Variants in USP38 observed in about 807,000 individuals in gnomAD.
USP38 encodes ubiquitin carboxyl-terminal hydrolase 38.
Under a neutral mutation model 94.3 loss-of-function variants are expected in USP38, and 49 were observed. The ratio of observed to expected loss-of-function variants is 0.52; its 90% CI spans 0.41 to 0.66. USP38 has a LOEUF of 0.66. Among genes scored for constraint, USP38 ranks in the 30% least tolerant of loss-of-function variants. USP38 has a pLI of 0.00. For synonymous variants in USP38, 468 were observed against 463.6 expected, an observed-to-expected ratio of 1.01 and a Z score of -0.12; for missense variants, 1,128 against 1,229.4, an observed-to-expected ratio of 0.92 and a Z score of 1.23.
At chr4:143,191,476 C>T (rs1342480635) in intron 2 of USP38, among the ~76,000 whole-genome samples, 1 of 152,122 alleles carries the variant, frequency 6.6e-6, no homozygotes, top group African/African-American at 2.4e-5. Flanking sequence ...AACATTGGAA[C>T]AAATAAAAGG....
intron 2 of USP38, among the ~76,000 whole-genome samples, chr4:143,193,790 G>C (rs1011191627): frequency 6.6e-6 from 1 of 152,232 alleles, no homozygotes; most frequent in African/African-American, 2.4e-5. Context: ...TATAAATGAA[G>C]ATGTCAGTCC....
In USP38 at chr4:143,222,562, C is replaced by G. The variant is rs1196788494; in HGVS notation, c.*2106C>G. The G allele has an allele frequency of 2.0e-5, 3 of 151,942 alleles. No homozygotes were observed. Among genetic ancestry groups the G allele is most frequent in the African/African-American group, 7.2e-5 (3 of 41,414 alleles). 9.4% of individuals were successfully genotyped at this position (151,942 alleles called of 1,614,324 possible). Reference sequence around the variant, plus strand: ...ATTTTCTATCCAAAGTTGTTTGAATCTAAGGATACAGAGCCTGAGGATATG... The same window carrying G: ...ATTTTCTATCCAAAGTTGTTTGAATGTAAGGATACAGAGCCTGAGGATATG... On this transcript the variant is annotated 3_prime_UTR_variant, in exon 10 of 10. Transcript: ENST00000307017.
At chr4:143,219,940 A>G (rs146690422) in intron 9 of USP38, among the ~76,000 whole-genome samples, 298 of 152,234 alleles carry the variant, frequency 2.0e-3, no homozygotes, top group African/African-American at 6.8e-3. Context: ...GAAATAGTCT[A>G]TGGAAAGGCC....
intron 2 of USP38, among the ~76,000 whole-genome samples, chr4:143,190,605 C>G (rs1643880222): frequency 6.6e-6 from 1 of 152,086 alleles, no homozygotes; most frequent in African/African-American, 2.4e-5. Context: ...GGTCACAAAC[C>G]TATAAGCAAT....
At chr4:143,195,651 C>T in intron 2 of USP38, 65 bp from the exon 3 acceptor site, 1 of 1,490,950 alleles carries the variant, frequency 6.7e-7, no homozygotes, top group South Asian at 1.3e-5. Context: ...TACTGTAACT[C>T]TTGTTATCAC....
chr4:143,203,277 AGAAAAACTCT>A (rs1452728738), intron 4 of USP38, 121 bp from the exon 5 acceptor site: 2 of 925,934 alleles, frequency 2.2e-6, no homozygotes, highest in East Asian at 5.2e-5. Context: ...CTTAATAACA[AGAAAAACTCT>A]GTGACTGCAC....
Position 143,213,897 on chromosome 4 carries a change from C to T in USP38, c.1921C>T (p.Gln641Ter). Residue 641 changes from glutamine to a stop codon, truncating the protein, a stop_gained, in exon 9 of 10, where the codon CAA (glutamine) becomes TAA (stop). Coordinates refer to ENST00000307017, the MANE Select transcript of USP38 (RefSeq NM_032557.6). LOFTEE classifies it high-confidence loss of function. ...VQDPASSPSI[Q>*]DGGLMQASVP... Reference sequence around the variant, plus strand: ...AGATCCAGCATCATCACCCAGTATACAAGATGGTGGTCTAATGCAAGCCTC... The same window carrying T: ...AGATCCAGCATCATCACCCAGTATATAAGATGGTGGTCTAATGCAAGCCTC... 1 of 1,613,850 alleles carries T rather than the reference C, an allele frequency of 6.2e-7. No homozygotes were observed. The highest frequency in any genetic ancestry group is 1.1e-5 in the South Asian group (1 of 91,084).
At chr4:143,198,347 A>G (rs1433481570) in intron 4 of USP38, among the ~76,000 whole-genome samples, 1 of 152,224 alleles carries the variant, frequency 6.6e-6, no homozygotes, top group East Asian at 1.9e-4. Context: ...AAATACATCT[A>G]GAATCCTACC....
chr4:143,196,167 A>C (rs935808002), intron 3 of USP38, among the ~76,000 whole-genome samples: 1 of 152,096 alleles, frequency 6.6e-6, no homozygotes, highest in Non-Finnish European at 1.5e-5. Flanking sequence ...TTAGGTTGGC[A>C]TAATGGTTCA....
Position 143,220,448 on chromosome 4 carries a change from G to C in USP38, c.3121G>C (p.Val1041Leu). ...GGGFNTVGRL[V>L]F ...AGGATTTAATACAGTTGGCAGACTC[G>C]TATTTTGATCCTGAGAGAGTCCAAA... The change falls in exon 10 of 10, where the codon GTA becomes CTA. Residue 1041 changes from valine to leucine, a missense_variant. Transcript: ENST00000307017. The C allele has an allele frequency of 1.2e-6, 2 of 1,611,156 alleles. No individual in the cohort carries two copies. Among genetic ancestry groups the C allele is most frequent in the Non-Finnish European group, 1.7e-6 (2 of 1,178,648 alleles).
chr4:143,213,834 T>C lies in USP38; in HGVS notation c.1858T>C (p.Phe620Leu). ...AGCCTTTACAGATCTTTCGCTTGCC[T>C]TTTGTCCTTCCTCTTCTTTGGAAAA... ...VEAFTDLSLA[F>L]CPSSSLENMS... The change falls in exon 9 of 10, where the codon TTT (phenylalanine) becomes CTT (leucine). Residue 620 changes from phenylalanine to leucine, a missense_variant. By Grantham distance (22) the Phe-to-Leu change is conservative. Transcript: ENST00000307017. The C allele has an allele frequency of 6.2e-7, 1 of 1,613,846 alleles. No individual in the cohort carries two copies. Among genetic ancestry groups the C allele is most frequent in the South Asian group, 1.1e-5 (1 of 91,072 alleles).
chr4:143,209,798 C>A (rs1368196981), intron 7 of USP38, 141 bp downstream of exon 7: 6 of 526,464 alleles, frequency 1.1e-5, no homozygotes, highest in South Asian at 8.3e-5. Flanking sequence ...CTTAGAAATG[C>A]TAAAGAGATC....
At chr4:143,210,517 G>A (rs1056896430) in intron 7 of USP38, among the ~76,000 whole-genome samples, 2 of 151,860 alleles carry the variant, frequency 1.3e-5, no homozygotes, top group African/African-American at 4.8e-5. Flanking sequence ...AACCCAGGAG[G>A]TGGAGCTTGC....
chr4:143,215,069 A>C lies in USP38; in HGVS notation c.2967+126A>C, dbSNP rs1275988951. On this transcript the variant is annotated intron_variant, in intron 9 of 9. Transcript: ENST00000307017. ...TTCTGAAATATAGGTCTGGATTTACATGAAGTATTCTCAACCTGTATAACT... is the reference window on the plus strand; with the variant it reads ...TTCTGAAATATAGGTCTGGATTTACCTGAAGTATTCTCAACCTGTATAACT... 3.0e-5 allele frequency: 29 copies of C among 959,232 alleles called. No individual in the cohort carries two copies. The Admixed American group carries it at 8.1e-4, about 27-fold the overall frequency. 59.4% of individuals were successfully genotyped at this position (959,232 alleles called of 1,614,324 possible).
chr4:143,213,063 C>A (rs548953457), intron 8 of USP38, among the ~76,000 whole-genome samples: 1 of 152,100 alleles, frequency 6.6e-6, no homozygotes, highest in African/African-American at 2.4e-5. Context: ...AATTTAAGAA[C>A]CACTCCTTTA....
intron 7 of USP38, among the ~76,000 whole-genome samples, chr4:143,211,101 T>C (rs1044114106): frequency 6.6e-6 from 1 of 151,948 alleles, no homozygotes; most frequent in Non-Finnish European, 1.5e-5. Flanking sequence ...TGTAGGCAGA[T>C]ATATACTTTA....
chr4:143,219,512 C>T (rs11724872), intron 9 of USP38, among the ~76,000 whole-genome samples: 90,591 of 151,820 alleles, frequency 0.6, 27,191 homozygotes, highest in East Asian at 0.82. Context: ...CTCTTCAGGA[C>T]GATTATGCTA....
chr4:143,197,417 A>G (rs1731584895), intron 3 of USP38, among the ~76,000 whole-genome samples: 1 of 152,190 alleles, frequency 6.6e-6, no homozygotes. Context: ...TGCCCTCTAG[A>G]TGGTAAACCC....
chr4:143,214,269 C>G lies in USP38; in HGVS notation c.2293C>G (p.Leu765Val), dbSNP rs373911808. The change falls in exon 9 of 10, where the codon CTC (leucine) becomes GTC (valine). Residue 765 changes from leucine (L) to valine (V), a missense_variant. Physicochemically the swap from Leu to Val is conservative, Grantham distance 32. Coordinates refer to ENST00000307017, the MANE Select transcript of USP38 (RefSeq NM_032557.6). ...GGAACCTGAATACCTTATTCTTACT[C>G]TCCTGAGATTTTCATATGATCAGAA... ...TEEPEYLILTLLRFSYDQKYH... is the reference protein window; with the variant it reads ...TEEPEYLILTVLRFSYDQKYH... 11 of 1,613,102 alleles carry G rather than the reference C, an allele frequency of 6.8e-6. No homozygotes were observed. The highest frequency in any genetic ancestry group is 9.3e-6 in the Non-Finnish European group (11 of 1,179,718).
Sources: allele counts gnomAD v4.1 joint callset (sites outside exome capture counted in the v4.1 genomes callset), GRCh38; gene constraint gnomAD v4.1.1; transcripts MANE v1.5; gene names NCBI Gene and HGNC (gene_info 2026-07-23, HGNC 2026-07-21).